Variants in ARHGEF10 observed in about 807,000 individuals in gnomAD.
ARHGEF10 encodes Rho guanine nucleotide exchange factor (GEF) 10.
ARHGEF10 carries 140 observed loss-of-function variants against 147.4 expected under a neutral mutation model. The observed-to-expected ratio is 0.95, with a 90% CI of 0.83 to 1.09. The LOEUF is 1.09. Among genes scored for constraint, ARHGEF10 ranks in the 50% least tolerant of loss-of-function variants. The probability of loss-of-function intolerance (pLI) is 0.00; values close to 1 mark genes in which losing one functional copy is unlikely to be tolerated. For missense variants in ARHGEF10, 2,222 were observed against 1,752.7 expected, an observed-to-expected ratio of 1.27 and a Z score of -4.78; for synonymous variants, 902 against 695.8, an observed-to-expected ratio of 1.30 and a Z score of -4.67.
chr8:1,903,392 G>A lies in ARHGEF10; in HGVS notation c.1762G>A (p.Asp588Asn). Reference protein sequence around the residue: ...EKLNERKRDADQRCEVKQIAK... With the variant: ...EKLNERKRDANQRCEVKQIAK... ...GTTAAATGAAAGAAAGAGAGATGCT[G>A]ATCAACGCTGTGAAGTGAAGCAAAT... The change falls in exon 16 of 29, where the codon GAT becomes AAT. Residue 588 changes from aspartate (D) to asparagine (N), a missense_variant. Transcript: ENST00000349830. The A allele has an allele frequency of 6.2e-7, 1 of 1,614,204 alleles. No individual in the cohort carries two copies. Among genetic ancestry groups the A allele is most frequent in the South Asian group, 1.1e-5 (1 of 91,086 alleles).
intron 25 of ARHGEF10, 106 bp from the exon 26 acceptor site, chr8:1,933,694 A>G (rs1563306873): frequency 5.1e-6 from 7 of 1,381,868 alleles, no homozygotes; most frequent in Non-Finnish European, 7.2e-6. Context: ...TTAACATTAC[A>G]GGTGATCCTT....
chr8:1,885,827 G>T, intron 11 of ARHGEF10, 120 bp downstream of exon 11: 1 of 801,814 alleles, frequency 1.2e-6, no homozygotes, highest in Non-Finnish European at 2.1e-6. Context: ...ATCCACTCGG[G>T]CCCTCCACTG....
chr8:1,835,208 A>AG (rs1413939995), intron 1 of ARHGEF10, among the ~76,000 whole-genome samples: 1 of 152,180 alleles, frequency 6.6e-6, no homozygotes, highest in Non-Finnish European at 1.5e-5. Flanking sequence ...GAAACCGACC[A>AG]GGGGGCCCAG....
chr8:1,890,466 T>A (rs1809419004), intron 11 of ARHGEF10, among the ~76,000 whole-genome samples: 1 of 148,192 alleles, frequency 6.7e-6, no homozygotes, highest in Non-Finnish European at 1.5e-5. Flanking sequence ...GGGTGAGTGT[T>A]GTGAGGAGAC....
chr8:1,826,411 CTG>C (rs1000039005), intron 1 of ARHGEF10, among the ~76,000 whole-genome samples: 30 of 45,152 alleles, frequency 6.6e-4, no homozygotes, highest in African/African-American at 2.2e-3. Flanking sequence ...TGTGTGTGTG[CTG>C]TGTGTGTGTG....
intron 26 of ARHGEF10, among the ~76,000 whole-genome samples, chr8:1,942,577 G>C (rs1814190973): frequency 6.6e-6 from 1 of 152,260 alleles, no homozygotes; most frequent in Non-Finnish European, 1.5e-5. Flanking sequence ...GCATGACCAG[G>C]TGACCCAGCA....
intron 27 of ARHGEF10, among the ~76,000 whole-genome samples, chr8:1,949,372 AG>A (rs1377640834): frequency 2.0e-5 from 3 of 152,314 alleles, no homozygotes; most frequent in Non-Finnish European, 2.9e-5. Context: ...CAGTTGATGA[AG>A]GTCTGTGATT....
At chr8:1,838,652 GAGCC>G in intron 1 of ARHGEF10, among the ~76,000 whole-genome samples, 1 of 152,396 alleles carries the variant, frequency 6.6e-6, no homozygotes, top group African/African-American at 2.4e-5. Flanking sequence ...CAGGGTCTCA[GAGCC>G]AGTGTGGTCC....
At position 1,841,861 on chromosome 8, in the gene ARHGEF10, C is replaced by A. The variant is rs1241476022; in HGVS notation, c.-47-1492C>A. Among the ~76,000 whole-genome samples, 19 of 121,806 alleles carry A rather than the reference C, an allele frequency of 1.6e-4. No homozygotes were observed. The South Asian group carries it at 2.9e-3, about 19-fold the overall frequency. 79.9% of individuals were successfully genotyped at this position (121,806 alleles called of 152,430 possible). On this transcript the variant is annotated intron_variant, in intron 1 of 28. Coordinates refer to ENST00000349830, the MANE Select transcript of ARHGEF10 (RefSeq NM_014629.4). ...ACGGGAACTGGGGCCGCGGCGGGAA[C>A]TGGGGCCGCGGCGGGAACTGGGGCC... is the stretch of plus-strand genomic sequence containing the variant.
At chr8:1,903,537 T>C (rs1253645018) in intron 16 of ARHGEF10, 86 bp downstream of exon 16, 1 of 1,537,262 alleles carries the variant, frequency 6.5e-7, no homozygotes, top group Non-Finnish European at 8.9e-7. Flanking sequence ...TACTAATCTT[T>C]TGGATCGTTT....
At chr8:1,841,812 G>GAACTGGGT (rs1563161210) in intron 1 of ARHGEF10, among the ~76,000 whole-genome samples, 3 of 110,242 alleles carry the variant, frequency 2.7e-5, no homozygotes, top group African/African-American at 6.3e-5. Context: ...AGGAACTGGG[G>GAACTGGGT]CCGCGGCGGG....
intron 22 of ARHGEF10, 151 bp from the exon 23 acceptor site, chr8:1,926,226 T>C: frequency 1.4e-6 from 1 of 724,744 alleles, no homozygotes. Flanking sequence ...TTTTAAACTT[T>C]CATCCTCCCT....
intron 27 of ARHGEF10, among the ~76,000 whole-genome samples, chr8:1,949,930 C>T (rs975924270): frequency 6.6e-6 from 1 of 152,114 alleles, no homozygotes; most frequent in Non-Finnish European, 1.5e-5. Flanking sequence ...ACTCACTGTT[C>T]TGTCTCTGAG....
At chr8:1,938,027 AC>A (rs1813761768) in intron 26 of ARHGEF10, among the ~76,000 whole-genome samples, 1 of 151,864 alleles carries the variant, frequency 6.6e-6, no homozygotes, top group Non-Finnish European at 1.5e-5. Flanking sequence ...TTGGTGCAGC[AC>A]CCCCAACGTG....
chr8:1,891,075 C>A (rs143469193), intron 11 of ARHGEF10, among the ~76,000 whole-genome samples: 19 of 152,058 alleles, frequency 1.2e-4, no homozygotes, highest in Non-Finnish European at 2.8e-4. Context: ...CTTATCCCAC[C>A]GTAATGGTTC....
intron 7 of ARHGEF10, among the ~76,000 whole-genome samples, chr8:1,874,256 GT>G (rs201162300): frequency 4.2e-3 from 637 of 152,042 alleles, no homozygotes; most frequent in Non-Finnish European, 7.1e-3. Context: ...AAAACCACCC[GT>G]TTTTCACACA....
intron 15 of ARHGEF10, among the ~76,000 whole-genome samples, chr8:1,900,964 G>C (rs1810403886): frequency 6.6e-6 from 1 of 152,080 alleles, no homozygotes; most frequent in African/African-American, 2.4e-5. Context: ...GATGTGCCGA[G>C]CAGTTTCCCT....
At chr8:1,923,285 G>A (rs1812436934) in intron 19 of ARHGEF10, 183 bp from the exon 20 acceptor site, 2 of 1,007,274 alleles carry the variant, frequency 2.0e-6, no homozygotes, top group Non-Finnish European at 3.0e-6. Context: ...TTTAATATCA[G>A]TTCTATCTTA....
chr8:1,916,424 C>G (rs569121034), intron 18 of ARHGEF10, among the ~76,000 whole-genome samples: 6 of 152,328 alleles, frequency 3.9e-5, no homozygotes, highest in Admixed American at 2.0e-4. Flanking sequence ...TGACATGTAT[C>G]TTCGTGACAG....
Sources: allele counts gnomAD v4.1 joint callset (sites outside exome capture counted in the v4.1 genomes callset), GRCh38; gene constraint gnomAD v4.1.1; transcripts MANE v1.5; gene names NCBI Gene and HGNC (gene_info 2026-07-23, HGNC 2026-07-21).